SNX29: variants seen among roughly 807,000 people sequenced by gnomAD.
The protein encoded by SNX29 is sorting nexin 29.
A neutral mutation model predicts 102.1 loss-of-function variants in SNX29; 78 were observed. That is an observed-to-expected ratio of 0.76 (90% confidence interval 0.64 to 0.92). The LOEUF (loss-of-function observed/expected upper bound fraction) is 0.92. SNX29 is among the 40% of genes least tolerant of loss of function. The pLI, the probability that SNX29 is intolerant of heterozygous loss-of-function variation, is 0.00. For missense variants in SNX29, 1,280 were observed against 1,061.7 expected (o/e 1.21, Z -2.86); for synonymous variants, 580 against 414.5 (o/e 1.40, Z -4.85).
In SNX29 at chr16:12,531,901, C is replaced by G. The variant is rs552344495; in HGVS notation, c.2318+7060C>G. Among the ~76,000 whole-genome samples, 9 of 152,328 alleles carry G rather than the reference C, an allele frequency of 5.9e-5. No homozygotes were observed. The South Asian group carries it at 1.9e-3, about 32-fold the overall frequency. ...TCAGGAAATGTATGTCTTCTCCCCT[C>G]TCACGTCACAAGAAAAACCAGTCAA... On this transcript the variant is annotated intron_variant, in intron 20 of 20. Coordinates refer to ENST00000566228, the MANE Select transcript of SNX29 (RefSeq NM_032167.5).
chr16:12,436,576 C>T (rs1042923583), intron 18 of SNX29, among the ~76,000 whole-genome samples: 4 of 152,238 alleles, frequency 2.6e-5, no homozygotes, highest in African/African-American at 9.6e-5. Flanking sequence ...CCTCTCTGAG[C>T]TCCCCTGGTG....
At chr16:12,504,086 C>G (rs1279181777) in intron 19 of SNX29, among the ~76,000 whole-genome samples, 1 of 152,162 alleles carries the variant, frequency 6.6e-6, no homozygotes, top group Non-Finnish European at 1.5e-5. Context: ...CCCCTAGCAA[C>G]CACTCATCTG....
At chr16:12,086,257 G>T (rs2052180816) in intron 11 of SNX29, among the ~76,000 whole-genome samples, 1 of 152,066 alleles carries the variant, frequency 6.6e-6, no homozygotes, top group Non-Finnish European at 1.5e-5. Flanking sequence ...GCCCGCCTCG[G>T]CGTCTCAAAG....
intron 19 of SNX29, among the ~76,000 whole-genome samples, chr16:12,500,639 T>G (rs1268936869): frequency 6.6e-6 from 1 of 152,244 alleles, no homozygotes; most frequent in Admixed American, 6.5e-5. Flanking sequence ...ATCTGTCTAT[T>G]CTTTCTCAAT....
intron 19 of SNX29, among the ~76,000 whole-genome samples, chr16:12,485,054 G>A (rs141807226): frequency 1.1e-3 from 173 of 152,236 alleles, no homozygotes; most frequent in African/African-American, 4.0e-3. Context: ...TTTCTTCTTC[G>A]CTTTGCTGGG....
At chr16:12,077,912 C>T (rs1306236973) in intron 10 of SNX29, among the ~76,000 whole-genome samples, 1 of 152,168 alleles carries the variant, frequency 6.6e-6, no homozygotes, top group Non-Finnish European at 1.5e-5. Flanking sequence ...TGAGCCACCA[C>T]ACCTGGCCTG....
intron 18 of SNX29, among the ~76,000 whole-genome samples, chr16:12,418,184 A>T (rs1222687602): frequency 2.0e-5 from 3 of 152,202 alleles, no homozygotes; most frequent in Non-Finnish European, 4.4e-5. Flanking sequence ...TTTAAAATTG[A>T]TGTTAATTGG....
At chr16:12,551,270 C>T (rs1051495816) in intron 20 of SNX29, among the ~76,000 whole-genome samples, 1 of 152,154 alleles carries the variant, frequency 6.6e-6, no homozygotes, top group African/African-American at 2.4e-5. Context: ...GAGGTTCAGA[C>T]ACCGTCAAAT....
At chr16:12,184,699 A>G (rs74008707) in intron 13 of SNX29, among the ~76,000 whole-genome samples, 5,368 of 152,266 alleles carry the variant, frequency 0.035, 328 homozygotes, top group African/African-American at 0.12. Flanking sequence ...GGGAGCCTGG[A>G]GGCCAGAGAA....
At chr16:12,170,301 C>T (rs1282232205) in intron 13 of SNX29, among the ~76,000 whole-genome samples, 2 of 151,832 alleles carry the variant, frequency 1.3e-5, no homozygotes, top group African/African-American at 4.8e-5. Context: ...GAGCGGGTTC[C>T]TTAGTGAATC....
intron 16 of SNX29, among the ~76,000 whole-genome samples, chr16:12,376,562 C>T (rs746647339): frequency 4.0e-5 from 6 of 151,616 alleles, no homozygotes; most frequent in Non-Finnish European, 7.4e-5. Context: ...ATGGAGAAAC[C>T]CCATCTCTAC....
intron 14 of SNX29, among the ~76,000 whole-genome samples, chr16:12,215,054 G>A (rs549460588): frequency 6.6e-6 from 1 of 152,152 alleles, no homozygotes. Flanking sequence ...GTGAGTGAAT[G>A]CATGAATGAG....
chr16:12,570,612 G>T lies in SNX29; in HGVS notation c.*1983G>T, dbSNP rs909258237. Reference sequence around the variant, plus strand: ...TAGCTACCCTGGAGGTCATCTCCCTGTTCTCTGTTGGATAAAGGAACCTCC... The same window carrying T: ...TAGCTACCCTGGAGGTCATCTCCCTTTTCTCTGTTGGATAAAGGAACCTCC... On this transcript the variant is annotated 3_prime_UTR_variant, in exon 21 of 21. Coordinates refer to ENST00000566228, the MANE Select transcript of SNX29 (RefSeq NM_032167.5). 1 of 232,024 alleles carries T rather than the reference G, an allele frequency of 4.3e-6. No homozygotes were observed. The highest frequency in any genetic ancestry group is 2.2e-5 in the African/African-American group (1 of 45,240). The allele number at this position is 232,024 out of a possible 1,614,324, so 14.4% of individuals were successfully genotyped here. A position where few individuals can be genotyped will look rare whatever the true frequency, so the allele number is the denominator to read the frequency against.
chr16:12,551,892 T>C (rs2078000075), intron 20 of SNX29, among the ~76,000 whole-genome samples: 1 of 152,174 alleles, frequency 6.6e-6, no homozygotes, highest in African/African-American at 2.4e-5. Context: ...TGCTCATCTG[T>C]AAGGTAGGGA....
At chr16:12,193,194 C>G (rs943309558) in intron 13 of SNX29, among the ~76,000 whole-genome samples, 1 of 152,194 alleles carries the variant, frequency 6.6e-6, no homozygotes, top group African/African-American at 2.4e-5. Context: ...ATAGTGCATT[C>G]CTTTTTATTG....
intron 18 of SNX29, among the ~76,000 whole-genome samples, chr16:12,473,401 A>T (rs140670861): frequency 2.6e-4 from 40 of 152,314 alleles, no homozygotes; most frequent in African/African-American, 9.1e-4. Context: ...TTCTGAGAAC[A>T]CAGGATCTGC....
intron 14 of SNX29, among the ~76,000 whole-genome samples, chr16:12,211,653 A>G (rs1403780637): frequency 1.3e-5 from 2 of 152,184 alleles, no homozygotes; most frequent in Non-Finnish European, 2.9e-5. Flanking sequence ...CAACTCCAGA[A>G]TCTGCAGGGT....
chr16:12,207,631 C>G (rs2077079015), intron 14 of SNX29, among the ~76,000 whole-genome samples: 1 of 152,156 alleles, frequency 6.6e-6, no homozygotes, highest in African/African-American at 2.4e-5. Context: ...CGACCCCACT[C>G]TTGGCTCATC....
intron 14 of SNX29, among the ~76,000 whole-genome samples, chr16:12,267,550 G>T (rs891736313): frequency 2.0e-5 from 3 of 152,142 alleles, no homozygotes; most frequent in Non-Finnish European, 4.4e-5. Context: ...CTGTGGATTT[G>T]TGTTTGTGCT....
Sources: gnomAD v4.1 joint callset for allele counts (sites outside exome capture counted in the v4.1 genomes callset) on GRCh38, gnomAD v4.1.1 for gene constraint, MANE v1.5 for transcripts, NCBI Gene and HGNC (gene_info 2026-07-23, HGNC 2026-07-21) for gene names.